KCNMA1: variants seen among roughly 807,000 people sequenced by gnomAD.
The protein encoded by KCNMA1 is Calcium-activated potassium channel subunit alpha-1.
A neutral mutation model predicts 140.0 loss-of-function variants in KCNMA1; 29 were observed. The ratio of observed to expected loss-of-function variants is 0.21; its 90% CI spans 0.15 to 0.28. KCNMA1 has a LOEUF of 0.28. KCNMA1 is among the 10% of genes least tolerant of loss of function. The pLI is 1.00. For missense variants in KCNMA1, 880 were observed against 1,602.2 expected (o/e 0.55, Z 7.70); for synonymous variants, 612 against 611.9 (o/e 1.00, Z 0.00).
At chr10:77,357,663 T>C (rs1603382647) in intron 2 of KCNMA1, among the ~76,000 whole-genome samples, 1 of 152,224 alleles carries the variant, frequency 6.6e-6, no homozygotes, top group East Asian at 1.9e-4. Context: ...GACGCAATAA[T>C]TTAAATTAAG....
At chr10:77,540,883 T>C (rs1405257726) in intron 1 of KCNMA1, among the ~76,000 whole-genome samples, 1 of 152,000 alleles carries the variant, frequency 6.6e-6, no homozygotes, top group African/African-American at 2.4e-5. Context: ...TGCACGCCTG[T>C]AATCCCAACT....
At chr10:77,038,218 A>C (rs2094455212) in intron 15 of KCNMA1, among the ~76,000 whole-genome samples, 1 of 152,132 alleles carries the variant, frequency 6.6e-6, no homozygotes, top group South Asian at 2.1e-4. Flanking sequence ...TCCCTCCTGC[A>C]TACAGAAAGA....
At chr10:77,129,102 T>G (rs2097799004) in intron 5 of KCNMA1, among the ~76,000 whole-genome samples, 1 of 152,226 alleles carries the variant, frequency 6.6e-6, no homozygotes, top group Non-Finnish European at 1.5e-5. Flanking sequence ...TAAATTCTGA[T>G]TCGAGTGTGC....
chr10:77,112,344 G>A (rs758802388), intron 7 of KCNMA1, 23 bp downstream of exon 7: 10 of 1,576,656 alleles, frequency 6.3e-6, no homozygotes, highest in Non-Finnish European at 8.7e-6. Flanking sequence ...AGCGAGAGCA[G>A]AAGGGTCTTC....
chr10:77,051,571 C>T (rs1045821522), intron 14 of KCNMA1, among the ~76,000 whole-genome samples: 1 of 152,204 alleles, frequency 6.6e-6, no homozygotes, highest in Non-Finnish European at 1.5e-5. Context: ...ATCAAAAAGA[C>T]ATTTGGTTCA....
chr10:77,115,988 C>T lies in KCNMA1; in HGVS notation c.885-3546G>A, dbSNP rs149614070. Reference sequence around the variant, plus strand: ...CTCCTTGGGAAGAAAGAGTGAGGCACGCCAGGAGCAGGGCTGTGTGCTCTG... The same window carrying T: ...CTCCTTGGGAAGAAAGAGTGAGGCATGCCAGGAGCAGGGCTGTGTGCTCTG... On this transcript the variant is annotated intron_variant, in intron 6 of 27. Coordinates refer to ENST00000286628, the MANE Select transcript of KCNMA1 (RefSeq NM_001161352.2). 1.5e-4 allele frequency among the ~76,000 whole-genome samples: 23 copies of T among 152,152 alleles called. No homozygotes were observed. The East Asian group carries it at 4.3e-3, about 28-fold the overall frequency.
At chr10:77,121,184 C>G (rs2097583131) in intron 5 of KCNMA1, 136 bp from the exon 6 acceptor site, 4 of 688,966 alleles carry the variant, frequency 5.8e-6, no homozygotes, top group African/African-American at 1.8e-5. Flanking sequence ...GCTGGTACCT[C>G]AGACATATTC....
chr10:77,374,494 C>G (rs188362370), intron 2 of KCNMA1, among the ~76,000 whole-genome samples: 1 of 152,218 alleles, frequency 6.6e-6, no homozygotes, highest in Non-Finnish European at 1.5e-5. Flanking sequence ...TCACTGCTCT[C>G]TAAACATTTA....
chr10:77,008,267 T>TA, intron 18 of KCNMA1: 1 of 1,427,606 alleles, frequency 7.0e-7, no homozygotes, highest in Non-Finnish European at 9.5e-7. Flanking sequence ...AAATCAAAGA[T>TA]ATGTCAATGA....
intron 6 of KCNMA1, among the ~76,000 whole-genome samples, chr10:77,115,757 T>C (rs1483393988): frequency 2.0e-5 from 3 of 152,256 alleles, no homozygotes; most frequent in Admixed American, 6.5e-5. Context: ...ATTTAATCAT[T>C]GTTGCTAAAA....
At chr10:77,429,135 A>G (rs39684) in intron 1 of KCNMA1, among the ~76,000 whole-genome samples, 3,255 of 152,308 alleles carry the variant, frequency 0.021, 52 homozygotes, top group South Asian at 0.049. Flanking sequence ...CCTGCCTTCT[A>G]GAGAATAATA....
intron 19 of KCNMA1, among the ~76,000 whole-genome samples, chr10:76,987,200 G>A (rs1408865007): frequency 6.6e-6 from 1 of 152,090 alleles, no homozygotes; most frequent in Non-Finnish European, 1.5e-5. Context: ...CACACTGTGT[G>A]TCTTGGTTAC....
chr10:76,896,601 T>C (rs779345356), intron 25 of KCNMA1, among the ~76,000 whole-genome samples: 10 of 152,220 alleles, frequency 6.6e-5, no homozygotes, highest in Non-Finnish European at 1.5e-4. Context: ...TCATAATTTA[T>C]GTTCTTCTGC....
At chr10:77,275,862 C>T (rs774341301) in intron 2 of KCNMA1, among the ~76,000 whole-genome samples, 18 of 152,190 alleles carry the variant, frequency 1.2e-4, no homozygotes, top group Non-Finnish European at 1.9e-4. Context: ...TGTAATCCAC[C>T]CTGGGAGGTT....
intron 2 of KCNMA1, among the ~76,000 whole-genome samples, chr10:77,357,688 T>G (rs1167532507): frequency 5.9e-5 from 9 of 152,250 alleles, no homozygotes; most frequent in Non-Finnish European, 8.8e-5. Context: ...AAGCTTGTCT[T>G]TCTTAAACTT....
In KCNMA1 at chr10:76,885,285, C is replaced by A; in HGVS notation, c.*1981G>T. 1.5e-6 allele frequency: 1 copy of A among 668,008 alleles called. No homozygotes were observed. The highest frequency in any genetic ancestry group is 1.8e-6 in the Non-Finnish European group (1 of 542,428). The allele number at this position is 668,008 out of a possible 1,614,324, so 41.4% of individuals were successfully genotyped here. A position where few individuals can be genotyped will look rare whatever the true frequency, so the allele number is the denominator to read the frequency against. On this transcript the variant is annotated 3_prime_UTR_variant, in exon 28 of 28. Coordinates refer to ENST00000286628, the MANE Select transcript of KCNMA1 (RefSeq NM_001161352.2). Reference sequence around the variant, plus strand: ...TAGTTTATATAAAGAGATAGTTATACATAATATAAATCAATATATAGAGGG... The same window carrying A: ...TAGTTTATATAAAGAGATAGTTATAAATAATATAAATCAATATATAGAGGG...
chr10:77,065,923 T>A (rs915904630), intron 14 of KCNMA1, among the ~76,000 whole-genome samples: 1 of 151,992 alleles, frequency 6.6e-6, no homozygotes, highest in African/African-American at 2.4e-5. Context: ...GGAAGGAATA[T>A]CCAGCCAGAG....
intron 2 of KCNMA1, among the ~76,000 whole-genome samples, chr10:77,266,670 A>G (rs1022699156): frequency 1.3e-5 from 2 of 152,304 alleles, no homozygotes; most frequent in South Asian, 4.1e-4. Context: ...ATTACCCTGA[A>G]TCTGCTACTT....
At chr10:77,494,102 G>A (rs1452273256) in intron 1 of KCNMA1, among the ~76,000 whole-genome samples, 8 of 152,184 alleles carry the variant, frequency 5.3e-5, no homozygotes, top group African/African-American at 2.4e-5. Context: ...GACAATAACC[G>A]CAACACAGGG....
Sources: gnomAD v4.1 joint callset for allele counts (sites outside exome capture counted in the v4.1 genomes callset) on GRCh38, gnomAD v4.1.1 for gene constraint, MANE v1.5 for transcripts, NCBI Gene and HGNC (gene_info 2026-07-23, HGNC 2026-07-21) for gene names.